CCDC178: variants seen among roughly 807,000 people sequenced by gnomAD.
CCDC178 encodes the protein coiled-coil domain containing 178.
Under a neutral mutation model 117.4 loss-of-function variants are expected in CCDC178, and 126 were observed. The observed-to-expected ratio is 1.07, with a 90% CI of 0.93 to 1.24. The LOEUF is 1.24. Ranked by LOEUF, CCDC178 falls within the 50% of genes most tolerant of loss-of-function variation. The pLI is 0.00. For missense variants in CCDC178, 1,030 were observed against 986.9 expected (o/e 1.04, Z -0.59); for synonymous variants, 283 against 313.4 (o/e 0.90, Z 1.02).
chr18:33,369,389 G>A, intron 6 of CCDC178, among the ~76,000 whole-genome samples: 1 of 151,698 alleles, frequency 6.6e-6, no homozygotes, highest in Middle Eastern at 3.4e-3. Flanking sequence ...GCCAGATCCA[G>A]TAACAGTGGA....
At chr18:33,167,114 A>AT (rs1431775140) in intron 20 of CCDC178, among the ~76,000 whole-genome samples, 1 of 152,072 alleles carries the variant, frequency 6.6e-6, no homozygotes. Flanking sequence ...TGATCTCATT[A>AT]TTTTTTAATG....
chr18:33,194,918 A>AAAAAAG lies in CCDC178; in HGVS notation c.2238+16977_2238+16978insCTTTTT, dbSNP rs1555659378. Among the ~76,000 whole-genome samples, 244 of 144,270 alleles carry AAAAAAG rather than the reference A, an allele frequency of 1.7e-3. 3 individuals are homozygous for AAAAAAG. Among genetic ancestry groups the AAAAAAG allele is most frequent in the African/African-American group, 6.4e-3 (238 of 37,166 alleles). The allele number at this position is 144,270 out of a possible 152,430, so 94.6% of individuals were successfully genotyped here. A position where few individuals can be genotyped will look rare whatever the true frequency, so the allele number is the denominator to read the frequency against. On this transcript the variant is annotated intron_variant, in intron 20 of 22. Transcript: ENST00000383096. ...GTTTCTACAAAAAAAAAAAAAAAAA[A>AAAAAAG]AGAGAGAGAGAGAGGGAGAGAGAGA...
rs148870177 is a variant in CCDC178 at position 33,302,479 on chromosome 18, T to C, written c.1023-9167A>G. Among the ~76,000 whole-genome samples, 218 of 152,240 alleles carry C rather than the reference T, an allele frequency of 1.4e-3. 1 individual carries two copies. Among genetic ancestry groups the C allele is most frequent in the Middle Eastern group, 3.4e-3 (1 of 294 alleles). On this transcript the variant is annotated intron_variant, in intron 11 of 22. Coordinates refer to ENST00000383096, the MANE Select transcript of CCDC178 (RefSeq NM_001105528.4). ...ATGAAAATTCCACAAAAGTTACAAATAGAACTACTATATGATCCAGCAATC... is the reference window on the plus strand; with the variant it reads ...ATGAAAATTCCACAAAAGTTACAAACAGAACTACTATATGATCCAGCAATC...
chr18:33,360,446 A>G (rs1235918799), intron 6 of CCDC178, among the ~76,000 whole-genome samples: 1 of 151,456 alleles, frequency 6.6e-6, no homozygotes, highest in African/African-American at 2.4e-5. Context: ...ACATGCTACA[A>G]TGTGGATCGA....
chr18:33,261,047 T>C (rs1229762878), intron 14 of CCDC178, among the ~76,000 whole-genome samples: 2 of 152,002 alleles, frequency 1.3e-5, no homozygotes, highest in Admixed American at 1.3e-4. Context: ...TCTTTAATTT[T>C]CCATATACAT....
intron 22 of CCDC178, among the ~76,000 whole-genome samples, chr18:32,964,667 A>T (rs956309993): frequency 4.6e-5 from 7 of 151,894 alleles, no homozygotes; most frequent in African/African-American, 1.7e-4. Flanking sequence ...TGCTGTTTAT[A>T]CCTGCTTCAC....
At chr18:32,967,963 C>G (rs1004107613) in intron 22 of CCDC178, among the ~76,000 whole-genome samples, 6 of 151,040 alleles carry the variant, frequency 4.0e-5, no homozygotes, top group African/African-American at 1.5e-4. Context: ...GGATAGATAG[C>G]ATATTCATCT....
At chr18:33,348,846 CT>C in intron 8 of CCDC178, 43 bp downstream of exon 8, 1 of 1,230,380 alleles carries the variant, frequency 8.1e-7, no homozygotes, top group Non-Finnish European at 1.2e-6. Flanking sequence ...AGTCAATGAA[CT>C]TTTAAATATA....
chr18:33,340,169 C>T (rs1315050812), intron 9 of CCDC178, among the ~76,000 whole-genome samples: 2 of 152,190 alleles, frequency 1.3e-5, no homozygotes, highest in East Asian at 1.9e-4. Context: ...TTGTTGGGAA[C>T]TTGAGCAAAG....
At chr18:33,050,082 A>AAAATAAAT (rs756932204) in intron 21 of CCDC178, among the ~76,000 whole-genome samples, 2 of 152,078 alleles carry the variant, frequency 1.3e-5, no homozygotes, top group Non-Finnish European at 2.9e-5. Flanking sequence ...CTCCATCTCA[A>AAAATAAAT]AAATAAATAA....
chr18:33,100,513 G>T (rs1237413532), intron 20 of CCDC178, among the ~76,000 whole-genome samples: 1 of 151,860 alleles, frequency 6.6e-6, no homozygotes, highest in East Asian at 1.9e-4. Context: ...AGGATAAAAG[G>T]CATATCCACA....
chr18:33,206,352 GTCAA>G (rs961823422), intron 20 of CCDC178, among the ~76,000 whole-genome samples: 7 of 150,960 alleles, frequency 4.6e-5, no homozygotes, highest in African/African-American at 9.7e-5. Context: ...ACTTATGAAA[GTCAA>G]TCAAAGGAAA....
chr18:33,223,168 T>C lies in CCDC178; in HGVS notation c.1870A>G (p.Lys624Glu), dbSNP rs147051362. 184 of 1,608,192 alleles carry C rather than the reference T, an allele frequency of 1.1e-4. 1 individual carries two copies. Among genetic ancestry groups the C allele is most frequent in the Non-Finnish European group, 1.5e-4 (175 of 1,176,530 alleles). The part of the protein sequence containing the change: ...QKDLIRRKVG[K>E]VKKKLRKKGK... ...TTTTTTCGTAATTTTTTCTTTACTT[T>C]TCCCACCTTTCTTCTAATAAGATCT... The change falls in exon 18 of 23, where the codon AAA (lysine) becomes GAA (glutamate). Residue 624 changes from lysine to glutamate, a missense_variant. By Grantham distance (56) the Lys-to-Glu change is moderately conservative. Coordinates refer to ENST00000383096, the MANE Select transcript of CCDC178 (RefSeq NM_001105528.4).
intron 3 of CCDC178, among the ~76,000 whole-genome samples, 178 bp from the exon 4 acceptor site, chr18:33,397,386 T>C (rs1355189950): frequency 6.6e-6 from 1 of 152,110 alleles, no homozygotes; most frequent in Non-Finnish European, 1.5e-5. Context: ...AGTTTGATGG[T>C]GTTTCTCTGC....
In CCDC178 at chr18:33,215,550, T is replaced by G. The variant is rs548726292; in HGVS notation, c.2078A>C (p.Lys693Thr). ...ATTTTGATAAAGTTTAAGTACTTAC[T>G]TTAATATTTCAAGTGTCTGATCAAA... The part of the protein sequence containing the change: ...KSFDQTLEIL[K>T]NKFITMRFKR... The change falls in exon 19 of 23, where the codon AAG (lysine) becomes ACG (threonine). Residue 693 changes from lysine to threonine, a missense_variant and splice_region_variant. Lys to Thr is a moderately conservative substitution (Grantham distance 78). Transcript: ENST00000383096. The G allele has an allele frequency of 2.2e-6, 3 of 1,359,962 alleles. No homozygotes were observed. Among genetic ancestry groups the G allele is most frequent in the Non-Finnish European group, 3.0e-6 (3 of 1,015,812 alleles). The allele number at this position is 1,359,962 out of a possible 1,614,324, so 84.2% of individuals were successfully genotyped here. A position where few individuals can be genotyped will look rare whatever the true frequency, so the allele number is the denominator to read the frequency against.
intron 2 of CCDC178, among the ~76,000 whole-genome samples, chr18:33,417,907 C>T (rs902819043): frequency 2.6e-5 from 4 of 152,098 alleles, no homozygotes; most frequent in African/African-American, 9.7e-5. Flanking sequence ...CAAATTCTAC[C>T]AGACATACAA....
At chr18:33,381,543 C>T (rs1015965822) in intron 5 of CCDC178, among the ~76,000 whole-genome samples, 1 of 152,210 alleles carries the variant, frequency 6.6e-6, no homozygotes, top group Non-Finnish European at 1.5e-5. Flanking sequence ...ATCTATGCTT[C>T]CTAAATCTTG....
chr18:33,127,735 T>G (rs949990183), intron 20 of CCDC178, among the ~76,000 whole-genome samples: 7 of 152,118 alleles, frequency 4.6e-5, no homozygotes, highest in Non-Finnish European at 1.0e-4. Flanking sequence ...CGCCCAGCCC[T>G]GATCAGTTGG....
At chr18:33,199,366 C>G (rs1407662181) in intron 20 of CCDC178, among the ~76,000 whole-genome samples, 1 of 152,242 alleles carries the variant, frequency 6.6e-6, no homozygotes, top group African/African-American at 2.4e-5. Context: ...ATTTTCCACA[C>G]TAAAGCAAAG....
Sources: allele counts gnomAD v4.1 joint callset (sites outside exome capture counted in the v4.1 genomes callset), GRCh38; gene constraint gnomAD v4.1.1; transcripts MANE v1.5; gene names NCBI Gene and HGNC (gene_info 2026-07-23, HGNC 2026-07-21).